EGFR: variants seen among roughly 807,000 people sequenced by gnomAD.
EGFR encodes the protein avian erythroblastic leukemia viral (v-erb-b) oncogene homolog.
EGFR carries 58 observed loss-of-function variants against 143.0 expected under a neutral mutation model. That is an observed-to-expected ratio of 0.41 (90% confidence interval 0.33 to 0.50). EGFR has a LOEUF of 0.50. EGFR is among the 20% of genes least tolerant of loss of function. The pLI is 0.39. For synonymous variants in EGFR, 613 were observed against 594.4 expected (o/e 1.03, Z -0.45); for missense variants, 1,307 against 1,579.0 (o/e 0.83, Z 2.92).
chr7:55,145,891 C>T (rs558119399), intron 3 of EGFR, among the ~76,000 whole-genome samples: 60 of 152,282 alleles, frequency 3.9e-4, no homozygotes, highest in African/African-American at 1.3e-3. Flanking sequence ...ATCCTCGCAG[C>T]GCCCACAGCA....
At chr7:55,090,721 T>C (rs1192023599) in intron 1 of EGFR, among the ~76,000 whole-genome samples, 2 of 152,206 alleles carry the variant, frequency 1.3e-5, no homozygotes, top group East Asian at 3.8e-4. Flanking sequence ...AAGCCATATG[T>C]AACTAACTGT....
intron 1 of EGFR, among the ~76,000 whole-genome samples, chr7:55,072,874 G>A (rs1231894433): frequency 6.6e-6 from 1 of 152,144 alleles, no homozygotes; most frequent in African/African-American, 2.4e-5. Flanking sequence ...CATACACAAA[G>A]GACTTTCATG....
At chr7:55,053,681 G>A (rs1215617358) in intron 1 of EGFR, among the ~76,000 whole-genome samples, 1 of 152,222 alleles carries the variant, frequency 6.6e-6, no homozygotes, top group East Asian at 1.9e-4. Context: ...AGTGAAGGCT[G>A]GTGAATCCGA....
chr7:55,058,287 G>A (rs1313646655), intron 1 of EGFR, among the ~76,000 whole-genome samples: 2 of 152,148 alleles, frequency 1.3e-5, no homozygotes, highest in African/African-American at 2.4e-5. Flanking sequence ...CCAGCTACTC[G>A]GAAGGCTGAG....
chr7:55,149,722 A>G (rs1305842161), intron 4 of EGFR, among the ~76,000 whole-genome samples: 1 of 152,246 alleles, frequency 6.6e-6, no homozygotes, highest in African/African-American at 2.4e-5. Context: ...ATGTAGAAAC[A>G]TATTCTTATA....
intron 6 of EGFR, 104 bp downstream of exon 6, chr7:55,152,768 T>G: frequency 1.1e-6 from 1 of 936,936 alleles, no homozygotes; most frequent in Non-Finnish European, 1.7e-6. Flanking sequence ...CAATTAGCAT[T>G]TGTCATAACA....
chr7:55,074,825 T>A (rs1249557294), intron 1 of EGFR, among the ~76,000 whole-genome samples: 1 of 152,242 alleles, frequency 6.6e-6, no homozygotes. Flanking sequence ...TCATTCTAAT[T>A]ACCAAGCACG....
chr7:55,031,155 T>C (rs948597925), intron 1 of EGFR, among the ~76,000 whole-genome samples: 1 of 152,216 alleles, frequency 6.6e-6, no homozygotes, highest in Non-Finnish European at 1.5e-5. Flanking sequence ...GATCTCCAGT[T>C]GTTATCTAGG....
chr7:55,052,817 T>G (rs949550639), intron 1 of EGFR, among the ~76,000 whole-genome samples: 5 of 152,114 alleles, frequency 3.3e-5, no homozygotes, highest in African/African-American at 9.7e-5. Context: ...AGCACTGTAA[T>G]GTGACTGAGA....
chr7:55,192,231 G>A (rs530787388), intron 21 of EGFR, among the ~76,000 whole-genome samples: 4 of 152,284 alleles, frequency 2.6e-5, no homozygotes, highest in South Asian at 2.1e-4. Flanking sequence ...GACACCTAAG[G>A]AACAGGAAAG....
intron 12 of EGFR, among the ~76,000 whole-genome samples, chr7:55,161,208 G>A (rs1326275571): frequency 2.0e-5 from 3 of 152,190 alleles, no homozygotes; most frequent in East Asian, 1.9e-4. Flanking sequence ...GAGGACTCAC[G>A]GCACCCCCTC....
At chr7:55,157,077 C>CCACCAAGG in intron 10 of EGFR, 1 of 966,944 alleles carries the variant, frequency 1.0e-6, no homozygotes, top group Non-Finnish European at 1.5e-6. Flanking sequence ...CCGGCCCCAG[C>CCACCAAGG]CAGCTGCCTT....
chr7:55,132,095 G>A (rs1793877048), intron 1 of EGFR, among the ~76,000 whole-genome samples: 1 of 151,836 alleles, frequency 6.6e-6, no homozygotes, highest in Non-Finnish European at 1.5e-5. Flanking sequence ...CAATGTAAAT[G>A]TGTGTATGTT....
chr7:55,176,165 T>C (rs1786582232), intron 19 of EGFR, among the ~76,000 whole-genome samples: 1 of 152,218 alleles, frequency 6.6e-6, no homozygotes, highest in Admixed American at 6.5e-5. Flanking sequence ...GCTTCCTTAA[T>C]TCATTTTTTA....
intron 22 of EGFR, among the ~76,000 whole-genome samples, chr7:55,197,307 G>C (rs985608437): frequency 1.3e-5 from 2 of 152,108 alleles, no homozygotes; most frequent in African/African-American, 4.8e-5. Context: ...TTGGTTCTCA[G>C]CTTGACTGTT....
intron 26 of EGFR, among the ~76,000 whole-genome samples, chr7:55,202,063 T>C (rs1344927277): frequency 6.6e-6 from 1 of 152,188 alleles, no homozygotes; most frequent in African/African-American, 2.4e-5. Context: ...CAGTAGTCTA[T>C]GTTTGAGCCA....
chr7:55,200,484 T>C (rs2128970175), intron 24 of EGFR, 71 bp downstream of exon 24: 1 of 1,474,698 alleles, frequency 6.8e-7, no homozygotes, highest in Non-Finnish European at 9.5e-7. Flanking sequence ...CTGTGTTCTG[T>C]CACATGCCAG....
intron 3 of EGFR, among the ~76,000 whole-genome samples, chr7:55,143,884 C>G (rs1252782823): frequency 6.6e-6 from 1 of 152,106 alleles, no homozygotes; most frequent in Non-Finnish European, 1.5e-5. Context: ...AAAATCAACC[C>G]ACATTGAGGA....
intron 1 of EGFR, among the ~76,000 whole-genome samples, chr7:55,041,890 T>C (rs1787918586): frequency 6.6e-6 from 1 of 152,202 alleles, no homozygotes; most frequent in African/African-American, 2.4e-5. Context: ...GAATCATTGT[T>C]AAGGAAAACT....
Sources: allele counts gnomAD v4.1 joint callset (sites outside exome capture counted in the v4.1 genomes callset), GRCh38; gene constraint gnomAD v4.1.1; transcripts MANE v1.5; gene names NCBI Gene and HGNC (gene_info 2026-07-23, HGNC 2026-07-21).